The following FARSB variants were observed in gnomAD, a reference collection of about 807,000 sequenced individuals.
FARSB encodes phenylalanine--tRNA ligase beta subunit.
In FARSB, 40 loss-of-function variants were observed where a neutral mutation model predicts 69.6. That is an observed-to-expected ratio of 0.57 (90% confidence interval 0.45 to 0.75). The LOEUF is 0.75. FARSB is among the 30% of genes least tolerant of loss of function. The probability of loss-of-function intolerance (pLI) is 0.00; values close to 1 mark genes in which losing one functional copy is unlikely to be tolerated. For missense variants in FARSB, 632 were observed against 722.9 expected (o/e 0.87, Z 1.44); for synonymous variants, 235 against 247.2 (o/e 0.95, Z 0.46).
chr2:222,585,516 A>G (rs1309131607), intron 16 of FARSB, among the ~76,000 whole-genome samples: 1 of 152,242 alleles, frequency 6.6e-6, no homozygotes, highest in African/African-American at 2.4e-5. Context: ...CTGAACAGAG[A>G]ATGACTTTGA....
chr2:222,615,309 T>C (rs767898333), intron 14 of FARSB, among the ~76,000 whole-genome samples: 28 of 152,210 alleles, frequency 1.8e-4, no homozygotes, highest in Non-Finnish European at 3.5e-4. Flanking sequence ...GCTTCTGTGC[T>C]TCCATTCCTG....
Position 222,587,686 on chromosome 2 carries a change from A to G in FARSB, c.1618+12242T>C, listed in dbSNP as rs184700022. On this transcript the variant is annotated intron_variant, in intron 16 of 16. Transcript: ENST00000281828. ...AATGATAAAGGGGATATCACCACCGATCCCACAGAAATACAAACTACCATC... is the reference window on the plus strand; with the variant it reads ...AATGATAAAGGGGATATCACCACCGGTCCCACAGAAATACAAACTACCATC... Among the ~76,000 whole-genome samples the G allele has an allele frequency of 3.5e-4, 54 of 152,342 alleles. 1 individual carries two copies. The Middle Eastern group carries it at 0.017, about 48-fold the overall frequency.
intron 10 of FARSB, among the ~76,000 whole-genome samples, chr2:222,628,302 C>T (rs7588205): frequency 0.11 from 17,053 of 152,092 alleles, 1,023 homozygotes; most frequent in Non-Finnish European, 0.12. Context: ...GAGCAGACTA[C>T]GAATGTTCCC....
chr2:222,611,979 A>T (rs984527611), intron 15 of FARSB, among the ~76,000 whole-genome samples: 29 of 152,222 alleles, frequency 1.9e-4, no homozygotes, highest in African/African-American at 6.8e-4. Flanking sequence ...TAGTGTAATT[A>T]ACCTAACCCT....
chr2:222,613,496 T>A (rs1270231924), intron 15 of FARSB, among the ~76,000 whole-genome samples: 1 of 152,150 alleles, frequency 6.6e-6, no homozygotes, highest in Non-Finnish European at 1.5e-5. Context: ...AGTGAGCTGA[T>A]ATCAGGCCAC....
chr2:222,600,234 G>A (rs1690526320), intron 15 of FARSB, 151 bp from the exon 16 acceptor site: 1 of 598,438 alleles, frequency 1.7e-6, no homozygotes, highest in Non-Finnish European at 2.7e-6. Flanking sequence ...TGCAAAATAA[G>A]ATAAAATAGT....
intron 15 of FARSB, among the ~76,000 whole-genome samples, chr2:222,600,833 T>C: frequency 6.6e-6 from 1 of 152,226 alleles, no homozygotes; most frequent in East Asian, 1.9e-4. Flanking sequence ...CTTAGGATAC[T>C]GGCAATGTTC....
At chr2:222,641,928 A>G in intron 3 of FARSB, among the ~76,000 whole-genome samples, 1 of 140,820 alleles carries the variant, frequency 7.1e-6, no homozygotes, top group East Asian at 2.0e-4. Context: ...CCAGATAATG[A>G]AGAAGTAATC....
chr2:222,591,321 A>T (rs1397568054), intron 16 of FARSB, among the ~76,000 whole-genome samples: 1 of 152,160 alleles, frequency 6.6e-6, no homozygotes, highest in Non-Finnish European at 1.5e-5. Context: ...AATTACTCTT[A>T]ATTTTCCAGT....
At chr2:222,577,941 T>C (rs746175169) in intron 16 of FARSB, among the ~76,000 whole-genome samples, 1 of 152,180 alleles carries the variant, frequency 6.6e-6, no homozygotes. Flanking sequence ...CACACTCATA[T>C]TTTAAAACCT....
intron 1 of FARSB, among the ~76,000 whole-genome samples, chr2:222,654,597 A>T (rs529650561): frequency 1.3e-5 from 2 of 152,346 alleles, no homozygotes; most frequent in African/African-American, 4.8e-5. Context: ...TTATAAAATA[A>T]AGCGATTAGG....
At chr2:222,586,357 G>A (rs1199585660) in intron 16 of FARSB, among the ~76,000 whole-genome samples, 1 of 152,134 alleles carries the variant, frequency 6.6e-6, no homozygotes, top group Non-Finnish European at 1.5e-5. Context: ...GCTCCTGAAG[G>A]AAGCACTAAA....
intron 16 of FARSB, among the ~76,000 whole-genome samples, chr2:222,577,874 A>C (rs1689874377): frequency 6.6e-6 from 1 of 152,214 alleles, no homozygotes; most frequent in African/African-American, 2.4e-5. Context: ...ATGCTCGGGA[A>C]ACGTTGAGAT....
At chr2:222,574,103 G>A (rs1689778030) in intron 16 of FARSB, among the ~76,000 whole-genome samples, 1 of 152,020 alleles carries the variant, frequency 6.6e-6, no homozygotes, top group Non-Finnish European at 1.5e-5. Flanking sequence ...GCAAAATAAA[G>A]CCTAAGAGAT....
At position 222,633,211 on chromosome 2, in the gene FARSB, G is replaced by A. The variant is rs1691482329; in HGVS notation, c.703C>T (p.Pro235Ser). Reference sequence around the variant, plus strand: ...TAAAATAACTCACCATTGATGATGGGAGGCATTGAAAGGACGACACCATTG... The same window carrying A: ...TAAAATAACTCACCATTGATGATGGAAGGCATTGAAAGGACGACACCATTG... ...DSNGVVLSMP[P>S]IINGDHSRIT... is the part of the protein sequence containing the mutation. The change falls in exon 7 of 17, where the codon CCC becomes TCC. Residue 235 changes from proline (P) to serine (S), a missense_variant. Pro to Ser is a moderately conservative substitution (Grantham distance 74). Coordinates refer to ENST00000281828, the MANE Select transcript of FARSB (RefSeq NM_005687.5). 5 of 1,470,586 alleles carry A rather than the reference G, an allele frequency of 3.4e-6. No individual in the cohort carries two copies. The highest frequency in any genetic ancestry group is 4.8e-6 in the Non-Finnish European group (5 of 1,050,012). 91.1% of individuals were successfully genotyped at this position (1,470,586 alleles called of 1,614,324 possible). A position where few individuals can be genotyped will look rare whatever the true frequency, so the allele number is the denominator to read the frequency against.
rs1691539929 is a variant in FARSB at position 222,634,898 on chromosome 2, G to C, written c.456-357C>G. 1.3e-5 allele frequency among the ~76,000 whole-genome samples: 2 copies of C among 152,042 alleles called. 1 individual carries two copies. Among genetic ancestry groups the C allele is most frequent in the South Asian group, 4.1e-4 (2 of 4,826 alleles). ...TACCTCTTTTAACCTATTTCTTCTT[G>C]ATATACTCAAGTAAACATGTTTTAA... is the stretch of plus-strand genomic sequence containing the variant. On this transcript the variant is annotated intron_variant, in intron 5 of 16. Coordinates refer to ENST00000281828, the MANE Select transcript of FARSB (RefSeq NM_005687.5).
Position 222,630,159 on chromosome 2 carries a change from C to A in FARSB, c.802G>T (p.Asp268Tyr). The A allele has an allele frequency of 1.3e-6, 2 of 1,542,338 alleles. No homozygotes were observed. The highest frequency in any genetic ancestry group is 2.5e-5 in the South Asian group (2 of 80,952). Residue 268 changes from aspartate to tyrosine, a missense_variant, in exon 9 of 17, where the codon GAT (aspartate) becomes TAT (tyrosine). Coordinates refer to ENST00000281828, the MANE Select transcript of FARSB (RefSeq NM_005687.5). ...TCACTGAACATGGTGACAATAATAT[C>A]AAGAACTATTTTTGCCTGCAAAGAA... is the stretch of plus-strand genomic sequence containing the variant. ...TDFTKAKIVL[D>Y]IIVTMFSEYC...
intron 5 of FARSB, among the ~76,000 whole-genome samples, chr2:222,635,557 T>A (rs1299542360): frequency 2.6e-5 from 4 of 152,214 alleles, no homozygotes; most frequent in Admixed American, 2.6e-4. Flanking sequence ...GTTTGATAAA[T>A]GCAGGTAAAT....
chr2:222,636,036 C>T (rs1324438757), intron 5 of FARSB, among the ~76,000 whole-genome samples: 1 of 147,090 alleles, frequency 6.8e-6, no homozygotes, highest in Non-Finnish European at 1.5e-5. Context: ...GCTGTGATTG[C>T]ACCACTGTAG....
Sources: allele counts gnomAD v4.1 joint callset (sites outside exome capture counted in the v4.1 genomes callset), GRCh38; gene constraint gnomAD v4.1.1; transcripts MANE v1.5; gene names NCBI Gene and HGNC (gene_info 2026-07-23, HGNC 2026-07-21).